Variants in C5 observed in about 807,000 individuals in gnomAD.
The protein encoded by C5 is C3 and PZP-like alpha-2-macroglobulin domain-containing protein 4.
In C5, 140 loss-of-function variants were observed where a neutral mutation model predicts 218.8. That is an observed-to-expected ratio of 0.64 (90% confidence interval 0.56 to 0.74). The LOEUF is 0.74. C5 is among the 30% of genes least tolerant of loss of function. C5 has a pLI of 0.00. For synonymous variants in C5, 614 were observed against 682.3 expected, an observed-to-expected ratio of 0.90 and a Z score of 1.56; for missense variants, 1,700 against 1,969.6, an observed-to-expected ratio of 0.86 and a Z score of 2.59.
intron 22 of C5, among the ~76,000 whole-genome samples, chr9:120,994,742 T>C (rs912714933): frequency 6.6e-6 from 1 of 152,108 alleles, no homozygotes; most frequent in African/African-American, 2.4e-5. Flanking sequence ...AAAAGTCATA[T>C]GAGAAGATTG....
Position 120,997,727 on chromosome 9 carries a change from G to A in C5, c.2610C>T (p.Ser870=), listed in dbSNP as rs748850499. ...SAVEGICTSE[S]PVIDHQGTKS... ...TTGTGCCCTGATGATCAATGACTGGGCTTTCCGAAGTGCAGATTCCCTCCA... is the reference window on the plus strand; with the variant it reads ...TTGTGCCCTGATGATCAATGACTGGACTTTCCGAAGTGCAGATTCCCTCCA... The change falls in exon 21 of 41, where the codon AGC becomes AGT. Residue 870 remains serine, a synonymous_variant. Coordinates refer to ENST00000223642, the MANE Select transcript of C5 (RefSeq NM_001735.3). 3 of 1,614,100 alleles carry A rather than the reference G, an allele frequency of 1.9e-6. No individual in the cohort carries two copies. Among genetic ancestry groups the A allele is most frequent in the Non-Finnish European group, 2.5e-6 (3 of 1,180,022 alleles).
At position 120,982,643 on chromosome 9, in the gene C5, T is replaced by C; in HGVS notation, c.3390+12A>G. 1 of 1,586,782 alleles carries C rather than the reference T, an allele frequency of 6.3e-7. No homozygotes were observed. Among genetic ancestry groups the C allele is most frequent in the South Asian group, 1.1e-5 (1 of 90,352 alleles). On this transcript the variant is annotated intron_variant, in intron 26 of 40. Transcript: ENST00000223642. ...TAAAACTATTGCTAATTTGTGCATTTGGTTTCCTTACCTGTAATTTTATTG... is the reference window on the plus strand; with the variant it reads ...TAAAACTATTGCTAATTTGTGCATTCGGTTTCCTTACCTGTAATTTTATTG...
chr9:121,061,419 T>G, the C5 span, among the ~76,000 whole-genome samples: 2 of 152,140 alleles, frequency 1.3e-5, no homozygotes, highest in Non-Finnish European at 2.9e-5. Context: ...CGTGGTGGCA[T>G]GTGCCTGAAA....
intron 25 of C5, among the ~76,000 whole-genome samples, chr9:120,987,607 C>T (rs1443790163): frequency 7.6e-6 from 1 of 132,122 alleles, no homozygotes; most frequent in Admixed American, 8.8e-5. Flanking sequence ...CACTGCACTC[C>T]AGCCTGGGAA....
intron 11 of C5, 108 bp from the exon 12 acceptor site, chr9:121,020,287 T>C: frequency 1.1e-6 from 1 of 907,074 alleles, no homozygotes; most frequent in East Asian, 2.5e-5. Context: ...AATTTCACAA[T>C]AACAAATGCT....
At chr9:121,032,694 A>G (rs2047486742) in intron 5 of C5, among the ~76,000 whole-genome samples, 1 of 152,128 alleles carries the variant, frequency 6.6e-6, no homozygotes, top group Non-Finnish European at 1.5e-5. Flanking sequence ...TTAATTAATA[A>G]CCTTTATTCA....
chr9:121,048,422 G>A (rs1354081090), intron 1 of C5, among the ~76,000 whole-genome samples: 3 of 152,184 alleles, frequency 2.0e-5, no homozygotes, highest in Non-Finnish European at 2.9e-5. Context: ...ATTGTGAACC[G>A]CACATGCGAG....
chr9:120,959,629 A>C (rs1057389266), intron 38 of C5, among the ~76,000 whole-genome samples: 2 of 152,160 alleles, frequency 1.3e-5, no homozygotes, highest in Non-Finnish European at 2.9e-5. Flanking sequence ...CTCTCTCAAA[A>C]AATGCCAGCA....
Position 120,997,635 on chromosome 9 carries a change from A to G in C5, c.2702T>C (p.Leu901Pro). The change falls in exon 21 of 41, where the codon CTT becomes CCT. Residue 901 changes from leucine to proline, a missense_variant. Coordinates refer to ENST00000223642, the MANE Select transcript of C5 (RefSeq NM_001735.3). ...SSSHLVTFTV[L>P]PLEIGLHNIN... Reference sequence around the variant, plus strand: ...GTTGTGAAGGCCAATTTCCAGAGGAAGCACAGTGAATGTCACCAAGTGACT... The same window carrying G: ...GTTGTGAAGGCCAATTTCCAGAGGAGGCACAGTGAATGTCACCAAGTGACT... 6.2e-7 allele frequency: 1 copy of G among 1,614,130 alleles called. No homozygotes were observed. Among genetic ancestry groups the G allele is most frequent in the Non-Finnish European group, 8.5e-7 (1 of 1,180,016 alleles).
At chr9:120,986,161 T>C (rs1017694149) in intron 25 of C5, among the ~76,000 whole-genome samples, 1 of 152,138 alleles carries the variant, frequency 6.6e-6, no homozygotes, top group Non-Finnish European at 1.5e-5. Context: ...CTTAGTCTCT[T>C]GAGTTTGGCA....
Position 121,006,050 on chromosome 9 carries a change from C to T in C5, c.2431G>A (p.Val811Ile). Residue 811 changes from valine (V) to isoleucine (I), a missense_variant, in exon 20 of 41, where the codon GTT becomes ATT. By Grantham distance (29) the Val-to-Ile change is conservative. Transcript: ENST00000223642. The stretch of plus-strand genomic sequence containing the variant: ...ACCTTTGCCTTGACAGTATCAGCAA[C>T]ACATATACCTTCAGCCCAAAGTGGA... ...GVGISNTGICVADTVKAKVFK... is the reference protein window; with the variant it reads ...GVGISNTGICIADTVKAKVFK... The T allele has an allele frequency of 6.2e-7, 1 of 1,613,676 alleles. No individual in the cohort carries two copies. Among genetic ancestry groups the T allele is most frequent in the Non-Finnish European group, 8.5e-7 (1 of 1,179,726 alleles).
At chr9:121,018,746 G>GA (rs772168116) in intron 12 of C5, among the ~76,000 whole-genome samples, 5,895 of 29,818 alleles carry the variant, frequency 0.2, 339 homozygotes, top group African/African-American at 0.26. Flanking sequence ...GGAAGGAAAG[G>GA]AAGGAAGGAA....
In C5 at chr9:121,020,001, T is replaced by C. The variant is rs373646644; in HGVS notation, c.1481A>G (p.Asp494Gly). ...CAAGTAATTATAGTGAGTTATTTTG[T>C]CAATATATGGGCTTTTGGGGGTAAC... ...IIVTPKSPYIDKITHYNYLIL... is the reference protein window; with the variant it reads ...IIVTPKSPYIGKITHYNYLIL... The change falls in exon 12 of 41, where the codon GAC becomes GGC. Residue 494 changes from aspartate (D) to glycine (G), a missense_variant. Coordinates refer to ENST00000223642, the MANE Select transcript of C5 (RefSeq NM_001735.3). The C allele has an allele frequency of 1.5e-5, 24 of 1,607,006 alleles. No individual in the cohort carries two copies. In the African/African-American group the frequency reaches 1.6e-4, roughly 11 times the overall value.
At chr9:120,976,147 G>C (rs1299688537) in intron 29 of C5, among the ~76,000 whole-genome samples, 1 of 152,006 alleles carries the variant, frequency 6.6e-6, no homozygotes, top group Non-Finnish European at 1.5e-5. Flanking sequence ...TAAACATCCA[G>C]GCAACAGGGA....
intron 1 of C5, among the ~76,000 whole-genome samples, chr9:121,048,086 C>T (rs572450386): frequency 2.0e-5 from 3 of 152,060 alleles, no homozygotes; most frequent in East Asian, 3.9e-4. Context: ...CTGAGCAGCC[C>T]GTTTCCAGAA....
At chr9:121,058,617 T>C in the C5 span, among the ~76,000 whole-genome samples, 6 of 151,728 alleles carry the variant, frequency 4.0e-5, no homozygotes, top group Non-Finnish European at 7.4e-5. Context: ...TTTTGTATTT[T>C]TAGTAGAGAT....
the C5 span, among the ~76,000 whole-genome samples, chr9:121,069,359 T>C: frequency 6.6e-6 from 1 of 151,998 alleles, no homozygotes; most frequent in African/African-American, 2.4e-5. Flanking sequence ...AAAGAAGACA[T>C]ACAAATGACC....
At chr9:120,987,211 A>G (rs1237903585) in intron 25 of C5, among the ~76,000 whole-genome samples, 1 of 152,192 alleles carries the variant, frequency 6.6e-6, no homozygotes, top group Non-Finnish European at 1.5e-5. Context: ...CTTAGGAAAG[A>G]AGTTAGGCCT....
intron 38 of C5, 137 bp downstream of exon 38, chr9:120,960,111 G>A (rs2131666175): frequency 9.1e-6 from 6 of 656,170 alleles, no homozygotes; most frequent in South Asian, 5.1e-5. Flanking sequence ...GCTAAAAATC[G>A]ATGGCATTTT....
Sources: gnomAD v4.1 joint callset for allele counts (sites outside exome capture counted in the v4.1 genomes callset) on GRCh38, gnomAD v4.1.1 for gene constraint, MANE v1.5 for transcripts, NCBI Gene and HGNC (gene_info 2026-07-23, HGNC 2026-07-21) for gene names.